SLC4A4: variants seen among roughly 807,000 people sequenced by gnomAD.
The protein encoded by SLC4A4 is electrogenic sodium bicarbonate cotransporter 1.
A neutral mutation model predicts 111.5 loss-of-function variants in SLC4A4; 27 were observed. The observed-to-expected ratio is 0.24, with a 90% CI of 0.18 to 0.33. The LOEUF (loss-of-function observed/expected upper bound fraction) is 0.33. SLC4A4 is among the 10% of genes least tolerant of loss of function. SLC4A4 has a pLI of 1.00. For synonymous variants in SLC4A4, 443 were observed against 463.4 expected (o/e 0.96, Z 0.57); for missense variants, 909 against 1,315.5 (o/e 0.69, Z 4.78).
At chr4:71,244,773 CT>C (rs11440449) in intron 2 of SLC4A4, among the ~76,000 whole-genome samples, 18 of 146,020 alleles carry the variant, frequency 1.2e-4, no homozygotes, top group African/African-American at 4.0e-4. Context: ...ATGGACCATG[CT>C]TTTTTTTTTT....
At chr4:71,293,300 A>T (rs1210611562) in intron 3 of SLC4A4, among the ~76,000 whole-genome samples, 1 of 150,420 alleles carries the variant, frequency 6.6e-6, no homozygotes, top group Non-Finnish European at 1.5e-5. Flanking sequence ...GCGGTGGCTC[A>T]CGCCTGTAAT....
upstream of SLC4A4, among the ~76,000 whole-genome samples, chr4:71,182,745 C>G (rs1271936402): frequency 7.5e-6 from 1 of 133,012 alleles, no homozygotes; most frequent in Non-Finnish European, 1.7e-5. Flanking sequence ...CACACACACT[C>G]TCTCTCACAT....
chr4:71,208,951 T>A (rs2602101), intron 1 of SLC4A4, among the ~76,000 whole-genome samples: 8,387 of 152,202 alleles, frequency 0.055, 758 homozygotes, highest in African/African-American at 0.19. Context: ...TGAAATTGGC[T>A]AGCAATCAGC....
chr4:71,170,625 T>C (rs571811318), intron 2 of SLC4A4, among the ~76,000 whole-genome samples: 2 of 152,352 alleles, frequency 1.3e-5, no homozygotes, highest in South Asian at 4.1e-4. Flanking sequence ...GAGCCTACTA[T>C]ATGCATAGGA....
At chr4:71,098,744 G>A (rs1331416881) in intron 2 of SLC4A4, among the ~76,000 whole-genome samples, 2 of 152,040 alleles carry the variant, frequency 1.3e-5, no homozygotes, top group African/African-American at 2.4e-5. Flanking sequence ...GACAACTATA[G>A]GTTCAAAATA....
intron 13 of SLC4A4, among the ~76,000 whole-genome samples, chr4:71,472,404 C>CAAA (rs1491574911): frequency 2.0e-5 from 3 of 151,846 alleles, no homozygotes; most frequent in Non-Finnish European, 4.4e-5. Context: ...ACTCTATAAA[C>CAAA]TCTATGAAGG....
rs181056398 is a variant in SLC4A4 at position 71,068,477 on chromosome 4, T to C, written c.-65+5689T>C. Among the ~76,000 whole-genome samples the C allele has an allele frequency of 2.6e-5, 4 of 152,240 alleles. No homozygotes were observed. In the East Asian group the frequency reaches 7.7e-4, roughly 29 times the overall value. ...AGACTCTCAGGTGTGCTCTCTCTCT[T>C]AGGCATTACCTACTCCCAAGGATAA... On this transcript the variant is annotated intron_variant, in intron 1 of 26. Coordinates refer to the SLC4A4 transcript ENST00000649996.
chr4:71,491,023 T>A (rs992736558), intron 15 of SLC4A4, among the ~76,000 whole-genome samples: 1 of 103,278 alleles, frequency 9.7e-6, no homozygotes, highest in Non-Finnish European at 2.8e-5. Context: ...GTGAGTTTTT[T>A]AAAACTATGA....
intron 14 of SLC4A4, among the ~76,000 whole-genome samples, chr4:71,476,920 T>G (rs2149114798): frequency 6.6e-6 from 1 of 151,820 alleles, no homozygotes; most frequent in East Asian, 1.9e-4. Context: ...GTAGACGAAA[T>G]GGATGTTAAA....
At chr4:71,219,204 C>T (rs1227247737) in intron 1 of SLC4A4, among the ~76,000 whole-genome samples, 1 of 152,126 alleles carries the variant, frequency 6.6e-6, no homozygotes, top group East Asian at 1.9e-4. Context: ...CCTCTTGCCG[C>T]AATCGTTAGT....
intron 22 of SLC4A4, among the ~76,000 whole-genome samples, chr4:71,558,712 C>T (rs1300721547): frequency 2.0e-5 from 3 of 151,848 alleles, no homozygotes; most frequent in African/African-American, 7.2e-5. Context: ...TCCTCTTACT[C>T]TTAGCCAGTA....
Position 71,306,581 on chromosome 4 carries a change from CA to C in SLC4A4, c.254-32778del, listed in dbSNP as rs796463259. 1.4e-3 allele frequency among the ~76,000 whole-genome samples: 193 copies of C among 139,262 alleles called. 3 individuals carry two copies. The highest frequency in any genetic ancestry group is 3.9e-3 in the African/African-American group (147 of 37,814). 91.4% of individuals were successfully genotyped at this position (139,262 alleles called of 152,430 possible). A position where few individuals can be genotyped will look rare whatever the true frequency, so the allele number is the denominator to read the frequency against. ...TTGGCAACAGAGTGAGACTCCGTCT[CA>C]AAAAAAAAAATCATAATAATACCTA... is the stretch of plus-strand genomic sequence containing the variant. On this transcript the variant is annotated intron_variant, in intron 3 of 25. Transcript: ENST00000264485.
chr4:71,379,085 G>T (rs533299527), intron 6 of SLC4A4, among the ~76,000 whole-genome samples: 1 of 151,930 alleles, frequency 6.6e-6, no homozygotes, highest in African/African-American at 2.4e-5. Context: ...TGTTTTCCAC[G>T]CCTTCACTCT....
At chr4:71,280,685 G>T (rs1046283260) in intron 3 of SLC4A4, among the ~76,000 whole-genome samples, 1 of 151,972 alleles carries the variant, frequency 6.6e-6, no homozygotes, top group African/African-American at 2.4e-5. Context: ...CTAGTTTATT[G>T]ATTTTTTTCT....
At chr4:71,107,233 A>G (rs1742956768) in intron 2 of SLC4A4, among the ~76,000 whole-genome samples, 1 of 152,162 alleles carries the variant, frequency 6.6e-6, no homozygotes. Flanking sequence ...ATTTTAAGGA[A>G]TTATTAATAG....
At chr4:71,376,115 T>C (rs1732337559) in intron 6 of SLC4A4, among the ~76,000 whole-genome samples, 1 of 142,434 alleles carries the variant, frequency 7.0e-6, no homozygotes, top group African/African-American at 2.6e-5. Context: ...ATATATACGT[T>C]TGTGTATATA....
At chr4:71,277,008 C>G (rs942505035) in intron 3 of SLC4A4, among the ~76,000 whole-genome samples, 2 of 152,148 alleles carry the variant, frequency 1.3e-5, no homozygotes, top group Non-Finnish European at 2.9e-5. Flanking sequence ...TGTGCCACTG[C>G]ACTCCAGCCT....
intron 12 of SLC4A4, among the ~76,000 whole-genome samples, chr4:71,463,815 G>A (rs1439435796): frequency 6.6e-6 from 1 of 152,138 alleles, no homozygotes; most frequent in Non-Finnish European, 1.5e-5. Flanking sequence ...GAGAGAAAGA[G>A]AAACATGGAT....
chr4:71,246,874 G>A (rs140767202), intron 2 of SLC4A4, among the ~76,000 whole-genome samples: 2 of 152,232 alleles, frequency 1.3e-5, no homozygotes, highest in East Asian at 3.9e-4. Flanking sequence ...GTCATTAATT[G>A]CCTATTTGAC....
Sources: allele counts gnomAD v4.1 joint callset (sites outside exome capture counted in the v4.1 genomes callset), GRCh38; gene constraint gnomAD v4.1.1; transcripts MANE v1.5; gene names NCBI Gene and HGNC (gene_info 2026-07-23, HGNC 2026-07-21).